The following RALGAPB variants were observed in gnomAD, a reference collection of about 807,000 sequenced individuals.
RALGAPB encodes the protein ral GTPase-activating protein subunit beta.
RALGAPB carries 25 observed loss-of-function variants against 161.1 expected under a neutral mutation model. That is an observed-to-expected ratio of 0.16 (90% CI 0.11 to 0.22). The LOEUF (loss-of-function observed/expected upper bound fraction) is 0.22. RALGAPB is among the 10% of genes least tolerant of loss of function. The pLI is 1.00. For synonymous variants in RALGAPB, 629 were observed against 626.1 expected (o/e 1.00, Z -0.07); for missense variants, 1,391 against 1,815.2 (o/e 0.77, Z 4.25).
chr20:38,480,735 GC>G lies in RALGAPB; in HGVS notation c.-30-7660del, dbSNP rs1161184657. On this transcript the variant is annotated intron_variant, in intron 1 of 29. Transcript: ENST00000262879. ...TTTTATCTGTGACTCCCCCACCCCC[GC>G]CCCCCCCTTTTTTTTTTTTGAGACG... Among the ~76,000 whole-genome samples, 112 of 33,436 alleles carry G rather than the reference GC, an allele frequency of 3.3e-3. 1 individual carries two copies. Among genetic ancestry groups the G allele is most frequent in the Middle Eastern group, 0.025 (1 of 40 alleles). The allele number at this position is 33,436 out of a possible 152,430, so 21.9% of individuals were successfully genotyped here.
intron 28 of RALGAPB, 143 bp from the exon 29 acceptor site, chr20:38,574,007 C>A: frequency 1.4e-6 from 1 of 705,928 alleles, no homozygotes; most frequent in Non-Finnish European, 2.2e-6. Context: ...TCTGAGCACA[C>A]TGACCCCTTG....
At chr20:38,527,103 T>C (rs550949382) in intron 13 of RALGAPB, among the ~76,000 whole-genome samples, 1 of 152,310 alleles carries the variant, frequency 6.6e-6, no homozygotes, top group South Asian at 2.1e-4. Context: ...TATGGAGCAA[T>C]TGATCTCTGA....
intron 19 of RALGAPB, chr20:38,546,828 C>G (rs2087182072): frequency 5.9e-6 from 1 of 168,896 alleles, no homozygotes. Context: ...GAGGAGTTAT[C>G]TTTACCTGCC....
Position 38,535,223 on chromosome 20 carries a change from C to G in RALGAPB, c.2379+16C>G, listed in dbSNP as rs1234540701. On this transcript the variant is annotated intron_variant, in intron 16 of 29. Transcript: ENST00000262879. ...CCTTGCAAAGGTGAGGAAGACAGTC[C>G]TTTTATTTTAACCCAACAGCCTTGG... 1.2e-6 allele frequency: 2 copies of G among 1,613,650 alleles called. No individual in the cohort carries two copies. Among genetic ancestry groups the G allele is most frequent in the Admixed American group, 1.7e-5 (1 of 59,990 alleles).
At chr20:38,495,903 A>C (rs1194765621) in intron 3 of RALGAPB, among the ~76,000 whole-genome samples, 1 of 152,160 alleles carries the variant, frequency 6.6e-6, no homozygotes, top group Non-Finnish European at 1.5e-5. Context: ...TGGTAGGTAG[A>C]CCTAAGTTAC....
At chr20:38,496,178 G>A (rs1407804272) in intron 3 of RALGAPB, among the ~76,000 whole-genome samples, 1 of 152,040 alleles carries the variant, frequency 6.6e-6, no homozygotes, top group Non-Finnish European at 1.5e-5. Flanking sequence ...GCTCTTCCTA[G>A]GCAATTTTCT....
chr20:38,568,733 C>G (rs1359458485), intron 26 of RALGAPB: 1 of 152,056 alleles, frequency 6.6e-6, no homozygotes, highest in Admixed American at 6.6e-5. Flanking sequence ...TTAAGGTAAC[C>G]CCCAGCGACG....
chr20:38,497,897 C>T (rs1360893587), intron 4 of RALGAPB, among the ~76,000 whole-genome samples: 1 of 151,930 alleles, frequency 6.6e-6, no homozygotes, highest in Non-Finnish European at 1.5e-5. Flanking sequence ...GGCGAAACCC[C>T]ATCTCTTCTA....
rs1013547501 is a variant in RALGAPB, at chr20:38,521,781, G to A, written c.1619+83G>A. Reference sequence around the variant, plus strand: ...TGGTTGGCCGACTGAACCGATGAGTGATGTTGGTCTGAAATACCTACAGAT... The same window carrying A: ...TGGTTGGCCGACTGAACCGATGAGTAATGTTGGTCTGAAATACCTACAGAT... On this transcript the variant is annotated intron_variant, in intron 10 of 29. Coordinates refer to ENST00000262879, the MANE Select transcript of RALGAPB (RefSeq NM_020336.4). The A allele has an allele frequency of 7.8e-6, 11 of 1,404,456 alleles. No homozygotes were observed. The African/African-American group carries it at 8.6e-5, about 11-fold the overall frequency. The allele number at this position is 1,404,456 out of a possible 1,614,324, so 87.0% of individuals were successfully genotyped here. A position where few individuals can be genotyped will look rare whatever the true frequency, so the allele number is the denominator to read the frequency against.
chr20:38,561,049 G>A (rs1017048632), intron 23 of RALGAPB, among the ~76,000 whole-genome samples: 5 of 152,236 alleles, frequency 3.3e-5, no homozygotes, highest in African/African-American at 9.6e-5. Flanking sequence ...GTTTTAGGCC[G>A]GGTGTGGTGG....
rs1270641375 is a variant in RALGAPB, at chr20:38,525,900, C to G, written c.1908C>G (p.Val636=). The part of the protein sequence containing the change: ...HHFGTVKSEV[V]LEGKFSNDDS... Reference sequence around the variant, plus strand: ...ATTATTTGTTTTTTCCATAGGTGGTCCTGGAAGGAAAGTTTAGTAACGATG... The same window carrying G: ...ATTATTTGTTTTTTCCATAGGTGGTGCTGGAAGGAAAGTTTAGTAACGATG... Residue 636 remains valine (V), a synonymous_variant, in exon 13 of 30, where the codon GTC becomes GTG. Transcript: ENST00000262879. 1.2e-6 allele frequency: 2 copies of G among 1,611,638 alleles called. No homozygotes were observed. Among genetic ancestry groups the G allele is most frequent in the East Asian group, 2.2e-5 (1 of 44,872 alleles).
At chr20:38,503,015 A>G (rs1417097743) in intron 5 of RALGAPB, among the ~76,000 whole-genome samples, 2 of 152,184 alleles carry the variant, frequency 1.3e-5, no homozygotes, top group African/African-American at 4.8e-5. Context: ...TGCAAAAGTA[A>G]TTGCGGCTTT....
intron 6 of RALGAPB, among the ~76,000 whole-genome samples, chr20:38,510,052 G>A (rs1052246623): frequency 1.3e-5 from 2 of 151,608 alleles, no homozygotes; most frequent in African/African-American, 4.9e-5. Context: ...TTCTTCCAAT[G>A]TTGTTTCCTT....
At chr20:38,563,200 A>C (rs988827926) in intron 24 of RALGAPB, among the ~76,000 whole-genome samples, 12 of 152,270 alleles carry the variant, frequency 7.9e-5, no homozygotes, top group Admixed American at 2.0e-4. Context: ...ATAATGATAG[A>C]GTTAATACAA....
intron 21 of RALGAPB, 67 bp from the exon 22 acceptor site, chr20:38,553,800 A>AAAC: frequency 1.1e-6 from 1 of 909,490 alleles, no homozygotes; most frequent in Non-Finnish European, 1.6e-6. Context: ...AAAAAAAAAA[A>AAAC]ACACTTAAGA....
Position 38,541,022 on chromosome 20 carries a change from C to G in RALGAPB, c.2563-19C>G. The G allele has an allele frequency of 6.2e-7, 1 of 1,609,180 alleles. No individual in the cohort carries two copies. The highest frequency in any genetic ancestry group is 1.3e-5 in the African/African-American group (1 of 74,920). On this transcript the variant is annotated intron_variant, in intron 17 of 29. Coordinates refer to ENST00000262879, the MANE Select transcript of RALGAPB (RefSeq NM_020336.4). ...AGAAAGGTGTGTTCTAAAAATTGAT[C>G]TGCCTTTCCTGCTTTTAGGACTGCC...
intron 7 of RALGAPB, among the ~76,000 whole-genome samples, chr20:38,517,302 A>AT (rs2086156102): frequency 1.3e-5 from 2 of 151,700 alleles, no homozygotes; most frequent in Admixed American, 6.6e-5. Flanking sequence ...AAATTGAGTC[A>AT]TTTTTTTTCT....
At chr20:38,551,529 T>C (rs1050069853) in intron 21 of RALGAPB, among the ~76,000 whole-genome samples, 5 of 152,190 alleles carry the variant, frequency 3.3e-5, no homozygotes, top group Admixed American at 6.5e-5. Context: ...GAGACTATTA[T>C]GAGAATCTAA....
intron 28 of RALGAPB, chr20:38,573,530 T>G (rs1115600): frequency 0.87 from 132,088 of 152,200 alleles, 57,360 homozygotes; most frequent in East Asian, 0.91. Flanking sequence ...TCTGCTGCCT[T>G]GCCAGAGGCT....
Sources: allele counts gnomAD v4.1 joint callset (sites outside exome capture counted in the v4.1 genomes callset), GRCh38; gene constraint gnomAD v4.1.1; transcripts MANE v1.5; gene names NCBI Gene and HGNC (gene_info 2026-07-23, HGNC 2026-07-21).